GPT2: variants seen among roughly 807,000 people sequenced by gnomAD.
The protein encoded by GPT2 is alanine aminotransferase 2.
Under a neutral mutation model 56.9 loss-of-function variants are expected in GPT2, and 30 were observed. The ratio of observed to expected loss-of-function variants is 0.53; its 90% CI spans 0.39 to 0.72. The LOEUF (loss-of-function observed/expected upper bound fraction) is 0.72. Among genes scored for constraint, GPT2 ranks in the 30% least tolerant of loss-of-function variants. The pLI, the probability that GPT2 is intolerant of heterozygous loss-of-function variation, is 0.00. For synonymous variants in GPT2, 271 were observed against 283.1 expected, an observed-to-expected ratio of 0.96 and a Z score of 0.43; for missense variants, 542 against 703.4, an observed-to-expected ratio of 0.77 and a Z score of 2.60.
chr16:46,920,268 G>A (rs571773931), intron 8 of GPT2, among the ~76,000 whole-genome samples: 139 of 152,376 alleles, frequency 9.1e-4, no homozygotes, highest in Non-Finnish European at 1.5e-3. Flanking sequence ...AAGAGCAGGA[G>A]TTTGGTTTTG....
intron 8 of GPT2, among the ~76,000 whole-genome samples, chr16:46,920,694 T>G (rs572374091): frequency 1.6e-3 from 246 of 152,352 alleles, no homozygotes; most frequent in Non-Finnish European, 2.9e-3. Context: ...GCTGCCAAAC[T>G]GTTCTTGGGC....
chr16:46,922,724 A>T (rs1961316602), intron 9 of GPT2, among the ~76,000 whole-genome samples: 1 of 152,202 alleles, frequency 6.6e-6, no homozygotes, highest in East Asian at 1.9e-4. Flanking sequence ...GGACTCATGA[A>T]ACTGAAAAGA....
Position 46,927,810 on chromosome 16 carries a change from G to A in GPT2, c.1481+773G>A, listed in dbSNP as rs192494789. On this transcript the variant is annotated intron_variant, in intron 11 of 11. Transcript: ENST00000340124. ...CGGTGGTTGATGGCTTGATGAGAAA[G>A]TGATTTAAGCAAGAGGGCTGCCAGG... Among the ~76,000 whole-genome samples the A allele has an allele frequency of 2.6e-5, 4 of 152,136 alleles. No homozygotes were observed. The East Asian group carries it at 5.8e-4, about 22-fold the overall frequency.
chr16:46,905,607 C>T (rs1960909316), intron 4 of GPT2, among the ~76,000 whole-genome samples: 1 of 152,222 alleles, frequency 6.6e-6, no homozygotes, highest in African/African-American at 2.4e-5. Flanking sequence ...GAATTCACCT[C>T]ACCAGTTTGA....
intron 8 of GPT2, among the ~76,000 whole-genome samples, chr16:46,922,025 C>T (rs574638627): frequency 6.6e-6 from 1 of 152,284 alleles, no homozygotes; most frequent in East Asian, 1.9e-4. Context: ...TGCCACTGCA[C>T]TCCAGCCTGG....
chr16:46,906,321 C>G (rs1192686266), intron 4 of GPT2, among the ~76,000 whole-genome samples: 2 of 152,184 alleles, frequency 1.3e-5, no homozygotes, highest in Non-Finnish European at 2.9e-5. Flanking sequence ...ATCCTCCTGC[C>G]TGGCCTCCCA....
rs1567337866 is a variant in GPT2, at chr16:46,906,828, CTGCT to C, written c.443-13_443-10del. On this transcript the variant is annotated splice_polypyrimidine_tract_variant and intron_variant, in intron 4 of 11. Transcript: ENST00000340124. ...CATCCTGCCTCTGTTACTGTCTTGC[CTGCT>C]GTCTTACAGGGTCCTACAGTGCTAG... is the stretch of plus-strand genomic sequence containing the variant. 6.2e-7 allele frequency: 1 copy of C among 1,613,506 alleles called. No individual in the cohort carries two copies. Among genetic ancestry groups the C allele is most frequent in the South Asian group, 1.1e-5 (1 of 91,068 alleles).
chr16:46,916,558 G>T, intron 6 of GPT2, 70 bp from the exon 7 acceptor site: 1 of 1,144,866 alleles, frequency 8.7e-7, no homozygotes, highest in Non-Finnish European at 1.3e-6. Context: ...GATTCTGGAT[G>T]GGCTTCTGAC....
At chr16:46,908,092 G>A (rs912495135) in intron 5 of GPT2, among the ~76,000 whole-genome samples, 6 of 151,040 alleles carry the variant, frequency 4.0e-5, no homozygotes, top group Non-Finnish European at 7.4e-5. Context: ...GACTGGTAGA[G>A]GTTTCAGTCC....
chr16:46,909,732 G>A lies in GPT2; in HGVS notation c.625G>A (p.Val209Met), dbSNP rs2143474386. 1 of 1,614,134 alleles carries A rather than the reference G, an allele frequency of 6.2e-7. No homozygotes were observed. The highest frequency in any genetic ancestry group is 2.2e-5 in the East Asian group (1 of 44,888). The part of the protein sequence containing the change: ...VSGGGKSRTG[V>M]MIPIPQYPLY... ...CGGGGGCGGCAAGTCACGGACAGGT[G>A]TGATGATCCCCATCCCACAATATCC... is the stretch of plus-strand genomic sequence containing the variant. The change falls in exon 6 of 12, where the codon GTG becomes ATG. Residue 209 changes from valine (V) to methionine (M), a missense_variant. Val to Met is a conservative substitution (Grantham distance 21). Coordinates refer to ENST00000340124, the MANE Select transcript of GPT2 (RefSeq NM_133443.4).
intron 10 of GPT2, among the ~76,000 whole-genome samples, chr16:46,925,078 A>G (rs1277899250): frequency 6.6e-6 from 1 of 151,494 alleles, no homozygotes; most frequent in African/African-American, 2.4e-5. Flanking sequence ...TTTTGTTTTA[A>G]TTACATTTTT....
rs551688670 is a variant in GPT2, at chr16:46,928,616, CAAAAAAA to C, written c.1482-281_1482-275del. 3.2e-3 allele frequency among the ~76,000 whole-genome samples: 327 copies of C among 101,268 alleles called. 1 individual carries two copies. Among genetic ancestry groups the C allele is most frequent in the Non-Finnish European group, 5.7e-3 (270 of 47,338 alleles). 66.4% of individuals were successfully genotyped at this position (101,268 alleles called of 152,430 possible). ...GGGCAACAAGAGCAAAATTCCATCT[CAAAAAAA>C]AAAAAAAAAGTGATGCAGGCCTTCT... On this transcript the variant is annotated intron_variant, in intron 11 of 11. Coordinates refer to ENST00000340124, the MANE Select transcript of GPT2 (RefSeq NM_133443.4).
In GPT2 at chr16:46,884,882, A is replaced by G; in HGVS notation, c.167A>G (p.Gln56Arg). The change falls in exon 2 of 12, where the codon CAG becomes CGG. Residue 56 changes from glutamine (Q) to arginine (R), a missense_variant. By Grantham distance (43) the Gln-to-Arg change is conservative. Coordinates refer to ENST00000340124, the MANE Select transcript of GPT2 (RefSeq NM_133443.4). ...CTCACGCTGGAGTCCATGAACCCGCAGGTGAAGGCGGTGGAGTACGCCGTG... is the reference window on the plus strand; with the variant it reads ...CTCACGCTGGAGTCCATGAACCCGCGGGTGAAGGCGGTGGAGTACGCCGTG... Reference protein sequence around the residue: ...RILTLESMNPQVKAVEYAVRG... With the variant: ...RILTLESMNPRVKAVEYAVRG... The G allele has an allele frequency of 6.5e-7, 1 of 1,544,048 alleles. No homozygotes were observed.
intron 6 of GPT2, among the ~76,000 whole-genome samples, chr16:46,912,722 G>C (rs1024476290): frequency 6.6e-6 from 1 of 152,182 alleles, no homozygotes; most frequent in African/African-American, 2.4e-5. Context: ...ACATCGCATG[G>C]CAAGAGCAGG....
chr16:46,886,629 C>A (rs1056320318), intron 2 of GPT2, among the ~76,000 whole-genome samples: 1 of 152,256 alleles, frequency 6.6e-6, no homozygotes, highest in South Asian at 2.1e-4. Flanking sequence ...GGGAAGGGGG[C>A]TGGTGCTGTA....
chr16:46,906,927 G>C lies in GPT2; in HGVS notation c.528G>C (p.Ala176=), dbSNP rs145871423. The C allele has an allele frequency of 6.8e-5, 110 of 1,614,194 alleles. 2 individuals carry two copies. In the East Asian group the frequency reaches 2.5e-3, roughly 36 times the overall value. ...CCAGGAGGGATGGCGGTGTGCCTGC[G>C]GACCCCGACAACATCTACCTGACCA... ...YITRRDGGVP[A]DPDNIYLTTG... Residue 176 remains alanine (A), a synonymous_variant, in exon 5 of 12, where the codon GCG becomes GCC. Transcript: ENST00000340124.
chr16:46,904,728 G>C (rs1240986307), intron 4 of GPT2, among the ~76,000 whole-genome samples: 4 of 152,152 alleles, frequency 2.6e-5, no homozygotes, highest in East Asian at 1.9e-4. Context: ...AGGAGGAGAA[G>C]GTGGGGCATT....
At chr16:46,909,007 C>T (rs1960990724) in intron 5 of GPT2, among the ~76,000 whole-genome samples, 1 of 152,090 alleles carries the variant, frequency 6.6e-6, no homozygotes, top group African/African-American at 2.4e-5. Context: ...TCTCAGAAAT[C>T]TTCAACAAGC....
chr16:46,901,584 G>T (rs572684821), intron 4 of GPT2, among the ~76,000 whole-genome samples: 2 of 152,366 alleles, frequency 1.3e-5, no homozygotes, highest in East Asian at 3.9e-4. Flanking sequence ...AACTGCTGTT[G>T]TTCTTAGAGT....
Sources: gnomAD v4.1 joint callset for allele counts (sites outside exome capture counted in the v4.1 genomes callset) on GRCh38, gnomAD v4.1.1 for gene constraint, MANE v1.5 for transcripts, NCBI Gene and HGNC (gene_info 2026-07-23, HGNC 2026-07-21) for gene names.